Variants in PLCB1 observed in about 807,000 individuals in gnomAD.
The protein encoded by PLCB1 is phospholipase C beta 1.
In PLCB1, 46 loss-of-function variants were observed where a neutral mutation model predicts 161.8. That is an observed-to-expected ratio of 0.28 (90% CI 0.22 to 0.36). The LOEUF (loss-of-function observed/expected upper bound fraction) is 0.36, where lower values mean the gene tolerates loss of function less well. Among genes scored for constraint, PLCB1 ranks in the 10% least tolerant of loss-of-function variants. The probability of loss-of-function intolerance (pLI) is 1.00; values close to 1 mark genes in which losing one functional copy is unlikely to be tolerated. For missense variants in PLCB1, 1,016 were observed against 1,472.5 expected, an observed-to-expected ratio of 0.69 and a Z score of 5.07; for synonymous variants, 517 against 503.7, an observed-to-expected ratio of 1.03 and a Z score of -0.35.
intron 3 of PLCB1, among the ~76,000 whole-genome samples, chr20:8,528,395 T>C (rs1984666171): frequency 6.6e-6 from 1 of 151,958 alleles, no homozygotes; most frequent in Admixed American, 6.6e-5. Context: ...CTAAAAAAAG[T>C]TGAATGAAAG....
At chr20:8,322,803 C>G (rs1417760955) in intron 2 of PLCB1, among the ~76,000 whole-genome samples, 2 of 152,158 alleles carry the variant, frequency 1.3e-5, no homozygotes, top group Non-Finnish European at 2.9e-5. Flanking sequence ...AGAACTCTCC[C>G]TTGCTTGGTA....
intron 2 of PLCB1, among the ~76,000 whole-genome samples, chr20:8,288,234 T>C (rs6140587): frequency 0.032 from 4,599 of 143,076 alleles, 176 homozygotes; most frequent in African/African-American, 0.1. Flanking sequence ...CTTCTTGTCC[T>C]TGAGGGGCCT....
intron 31 of PLCB1, among the ~76,000 whole-genome samples, chr20:8,813,656 C>G (rs1157558593): frequency 2.0e-5 from 3 of 151,850 alleles, no homozygotes; most frequent in Admixed American, 2.0e-4. Context: ...ATAGTGAGAC[C>G]CTATCTCTAA....
At chr20:8,676,443 AG>A (rs1329063114) in intron 9 of PLCB1, among the ~76,000 whole-genome samples, 1 of 152,112 alleles carries the variant, frequency 6.6e-6, no homozygotes, top group Admixed American at 6.5e-5. Context: ...AGAGAGAAAG[AG>A]TACCATTTTG....
chr20:8,351,588 T>C (rs887498921), intron 2 of PLCB1, among the ~76,000 whole-genome samples: 2 of 152,100 alleles, frequency 1.3e-5, no homozygotes, highest in South Asian at 4.1e-4. Flanking sequence ...GGAAATCACA[T>C]TGTGATAAAA....
intron 23 of PLCB1, among the ~76,000 whole-genome samples, chr20:8,742,748 T>C (rs2123524326): frequency 6.6e-6 from 1 of 152,338 alleles, no homozygotes; most frequent in East Asian, 1.9e-4. Flanking sequence ...CCTTCTATCA[T>C]ATAGCTCCAC....
At chr20:8,552,993 T>A (rs561195253) in intron 3 of PLCB1, among the ~76,000 whole-genome samples, 4 of 152,310 alleles carry the variant, frequency 2.6e-5, no homozygotes, top group African/African-American at 9.6e-5. Context: ...TAGCTATTCC[T>A]GAGCTGTATC....
At chr20:8,268,932 A>G (rs1158482714) in intron 2 of PLCB1, among the ~76,000 whole-genome samples, 2 of 152,152 alleles carry the variant, frequency 1.3e-5, no homozygotes, top group East Asian at 3.9e-4. Context: ...ATATTTTTAA[A>G]GGCCCTATTT....
chr20:8,191,736 A>C (rs1600226033), intron 2 of PLCB1, among the ~76,000 whole-genome samples: 1 of 152,168 alleles, frequency 6.6e-6, no homozygotes, highest in East Asian at 1.9e-4. Flanking sequence ...TATTAAGCTA[A>C]ATTTCAATTA....
chr20:8,849,652 G>T (rs1986818353), intron 31 of PLCB1, among the ~76,000 whole-genome samples: 1 of 150,200 alleles, frequency 6.7e-6, no homozygotes, highest in Non-Finnish European at 1.5e-5. Context: ...CTCCAGCCTG[G>T]GTGACAGAAC....
At position 8,501,862 on chromosome 20, in the gene PLCB1, CGCATATATATATATATATATATATAT is replaced by C. The variant is rs1426907598; in HGVS notation, c.247-126431_247-126406del. 3.8e-5 allele frequency among the ~76,000 whole-genome samples: 4 copies of C among 104,202 alleles called. No individual in the cohort carries two copies. The Admixed American group carries it at 4.1e-4, about 11-fold the overall frequency. 68.4% of individuals were successfully genotyped at this position (104,202 alleles called of 152,430 possible). A position where few individuals can be genotyped will look rare whatever the true frequency, so the allele number is the denominator to read the frequency against. ...ACTATTTTTTTTAAAAAAGATATATCGCATATATATATATATATATATATATATATATATATATATATATATATATA... is the reference window on the plus strand; with the variant it reads ...ACTATTTTTTTTAAAAAAGATATATCATATATATATATATATATATATATA... On this transcript the variant is annotated intron_variant, in intron 3 of 31. Coordinates refer to ENST00000338037, the MANE Select transcript of PLCB1 (RefSeq NM_015192.4).
chr20:8,810,163 C>A (rs536471199), intron 31 of PLCB1, among the ~76,000 whole-genome samples: 1 of 152,278 alleles, frequency 6.6e-6, no homozygotes, highest in African/African-American at 2.4e-5. Context: ...GTTGCTCAGA[C>A]TTTGAAAATG....
At chr20:8,669,080 C>T (rs560060800) in intron 9 of PLCB1, among the ~76,000 whole-genome samples, 1 of 152,292 alleles carries the variant, frequency 6.6e-6, no homozygotes, top group South Asian at 2.1e-4. Flanking sequence ...CCTATAATTA[C>T]AAGGAGAAAA....
Position 8,455,219 on chromosome 20 carries a change from T to G in PLCB1, c.246+83769T>G, listed in dbSNP as rs543646749. Among the ~76,000 whole-genome samples the G allele has an allele frequency of 2.6e-5, 4 of 151,240 alleles. No individual in the cohort carries two copies. In the East Asian group the frequency reaches 8.0e-4, roughly 30 times the overall value. ...GGCACACACCTGTAATCCCAGCTAC[T>G]TGGGAGGCTGAGGGATGAGAATGGC... On this transcript the variant is annotated intron_variant, in intron 3 of 31. Transcript: ENST00000338037.
At chr20:8,840,087 A>G (rs1480220429) in intron 31 of PLCB1, among the ~76,000 whole-genome samples, 5 of 151,756 alleles carry the variant, frequency 3.3e-5, no homozygotes, top group Admixed American at 1.3e-4. Context: ...GCTGATTTAT[A>G]TGTTGTTTTT....
At chr20:8,274,900 C>T (rs949472514) in intron 2 of PLCB1, among the ~76,000 whole-genome samples, 1 of 152,066 alleles carries the variant, frequency 6.6e-6, no homozygotes, top group Non-Finnish European at 1.5e-5. Context: ...GCTTTTCGTG[C>T]CTGGATGCTT....
chr20:8,133,409 A>C (rs1190845244), intron 1 of PLCB1, among the ~76,000 whole-genome samples: 1 of 152,088 alleles, frequency 6.6e-6, no homozygotes, highest in Non-Finnish European at 1.5e-5. Context: ...ATGGGCCTGC[A>C]GGCAAGTGGG....
chr20:8,529,029 A>G (rs1450272083), intron 3 of PLCB1, among the ~76,000 whole-genome samples: 2 of 151,942 alleles, frequency 1.3e-5, no homozygotes, highest in Non-Finnish European at 2.9e-5. Context: ...TTGTACTTCC[A>G]GTCCCTTCAG....
At chr20:8,188,860 T>C (rs1014444163) in intron 2 of PLCB1, among the ~76,000 whole-genome samples, 1 of 152,166 alleles carries the variant, frequency 6.6e-6, no homozygotes, top group African/African-American at 2.4e-5. Flanking sequence ...CTTACAGTAT[T>C]GTGTAGCAGA....
Sources: gnomAD v4.1 joint callset for allele counts (sites outside exome capture counted in the v4.1 genomes callset) on GRCh38, gnomAD v4.1.1 for gene constraint, MANE v1.5 for transcripts, NCBI Gene and HGNC (gene_info 2026-07-23, HGNC 2026-07-21) for gene names.